The following CDR2L variants were observed in gnomAD, a reference collection of about 807,000 sequenced individuals.
CDR2L encodes cerebellar degeneration-related protein 2-like.
In CDR2L, 19 loss-of-function variants were observed where a neutral mutation model predicts 36.1. The ratio of observed to expected loss-of-function variants is 0.53; its 90% CI spans 0.37 to 0.77. CDR2L has a LOEUF of 0.77. Ranked by LOEUF, CDR2L falls within the 30% of genes least tolerant of loss-of-function variation. CDR2L has a pLI of 0.00. For missense variants in CDR2L, 575 were observed against 627.2 expected, an observed-to-expected ratio of 0.92 and a Z score of 0.89; for synonymous variants, 285 against 280.4, an observed-to-expected ratio of 1.02 and a Z score of -0.16.
At chr17:75,000,607 T>C (rs2039859878) in intron 2 of CDR2L, among the ~76,000 whole-genome samples, 1 of 129,988 alleles carries the variant, frequency 7.7e-6, no homozygotes, top group Non-Finnish European at 1.6e-5. Flanking sequence ...ATAAAAAAGA[T>C]TTTAGAAGTT....
chr17:74,992,947 G>A (rs1471987467), intron 1 of CDR2L, among the ~76,000 whole-genome samples: 1 of 152,194 alleles, frequency 6.6e-6, no homozygotes, highest in Non-Finnish European at 1.5e-5. Flanking sequence ...CAGTGGCTTT[G>A]CACTCTAGTT....
rs2039889288 is a variant in CDR2L at position 75,004,185 on chromosome 17, C to CA, written c.*111_*112insA. The CA allele has an allele frequency of 3.3e-6, 3 of 917,566 alleles. No homozygotes were observed. Among genetic ancestry groups the CA allele is most frequent in the Middle Eastern group, 2.3e-4 (1 of 4,418 alleles). The allele number at this position is 917,566 out of a possible 1,614,324, so 56.8% of individuals were successfully genotyped here. A position where few individuals can be genotyped will look rare whatever the true frequency, so the allele number is the denominator to read the frequency against. On this transcript the variant is annotated 3_prime_UTR_variant, in exon 5 of 5. Transcript: ENST00000337231. ...CCTTTAGCGGCCTGCCACCACAGCA[C>CA]GCGGCCTCCTGATCCGGAAGCACGC...
Position 75,002,233 on chromosome 17 carries a change from G to A in CDR2L, c.506+5G>A. 1 of 1,604,490 alleles carries A rather than the reference G, an allele frequency of 6.2e-7. No individual in the cohort carries two copies. The highest frequency in any genetic ancestry group is 8.5e-7 in the Non-Finnish European group (1 of 1,175,996). Reference sequence around the variant, plus strand: ...GGAGCTGTGCACCAGCCCCCGGTAGGTGAGAGCACTGCTTGGTGTCTCTGG... The same window carrying A: ...GGAGCTGTGCACCAGCCCCCGGTAGATGAGAGCACTGCTTGGTGTCTCTGG... On this transcript the variant is annotated splice_donor_5th_base_variant and intron_variant, in intron 4 of 4. Coordinates refer to ENST00000337231, the MANE Select transcript of CDR2L (RefSeq NM_014603.3). The surrounding 1 kb of genome is among the most constrained non-coding windows in gnomAD (Gnocchi z 4.1).
Position 74,988,122 on chromosome 17 carries a change from G to A in CDR2L, c.79G>A (p.Asp27Asn). ...SWYDQQDLEQ[D>N]LHLAAELGKT... is the part of the protein sequence containing the mutation. ...GTACGACCAGCAGGACCTGGAGCAG[G>A]GTGAGCGCGGGGGCGACCGGGACAG... Residue 27 changes from aspartate to asparagine, a missense_variant and splice_region_variant, in exon 1 of 5, where the codon GAC becomes AAC. Physicochemically the swap from Asp to Asn is conservative, Grantham distance 23. Coordinates refer to ENST00000337231, the MANE Select transcript of CDR2L (RefSeq NM_014603.3). 8 of 1,529,618 alleles carry A rather than the reference G, an allele frequency of 5.2e-6. No homozygotes were observed. The highest frequency in any genetic ancestry group is 6.1e-6 in the Non-Finnish European group (7 of 1,138,938). The allele number at this position is 1,529,618 out of a possible 1,614,324, so 94.8% of individuals were successfully genotyped here. A position where few individuals can be genotyped will look rare whatever the true frequency, so the allele number is the denominator to read the frequency against.
chr17:74,994,432 A>T (rs1452973619), intron 1 of CDR2L, among the ~76,000 whole-genome samples: 1 of 152,168 alleles, frequency 6.6e-6, no homozygotes, highest in Non-Finnish European at 1.5e-5. Flanking sequence ...CAGTCTTTTG[A>T]CAGAATGCCT....
In CDR2L at chr17:75,002,040, G is replaced by A. The variant is rs1289482555; in HGVS notation, c.342-24G>A. On this transcript the variant is annotated intron_variant, in intron 3 of 4. Coordinates refer to ENST00000337231, the MANE Select transcript of CDR2L (RefSeq NM_014603.3). This position sits in a 1 kb window ranked among gnomAD's most constrained non-coding sequence, Gnocchi z 4.1. ...CTGGCCCCATCCCCTTAAAGTCCCT[G>A]TGTGTCCACCACCCCGCCCCCAGGC... is the stretch of plus-strand genomic sequence containing the variant. The A allele has an allele frequency of 4.5e-6, 7 of 1,540,510 alleles. No homozygotes were observed. The highest frequency in any genetic ancestry group is 6.1e-6 in the Non-Finnish European group (7 of 1,149,294).
In CDR2L at chr17:75,004,230, G is replaced by A. The variant is rs1362650898; in HGVS notation, c.*156G>A. 4 of 660,630 alleles carry A rather than the reference G, an allele frequency of 6.1e-6. No individual in the cohort carries two copies. Among genetic ancestry groups the A allele is most frequent in the East Asian group, 5.6e-5 (2 of 35,716 alleles). 40.9% of individuals were successfully genotyped at this position (660,630 alleles called of 1,614,324 possible). ...GCACGCAGCATGTTCCCTGCTGAGC[G>A]GAGGCAGCCCACCTGTCCTGCCTCC... is the stretch of plus-strand genomic sequence containing the variant. On this transcript the variant is annotated 3_prime_UTR_variant, in exon 5 of 5. Coordinates refer to ENST00000337231, the MANE Select transcript of CDR2L (RefSeq NM_014603.3).
chr17:75,001,562 G>C (rs116611906), intron 3 of CDR2L, 73 bp downstream of exon 3: 2 of 1,319,174 alleles, frequency 1.5e-6, no homozygotes, highest in Admixed American at 3.1e-5. Flanking sequence ...GGGGCCCATG[G>C]ACTGATGGGT....
At chr17:74,997,513 A>G (rs1385478310) in intron 1 of CDR2L, among the ~76,000 whole-genome samples, 2 of 151,980 alleles carry the variant, frequency 1.3e-5, no homozygotes, top group African/African-American at 4.8e-5. Flanking sequence ...CACTCACTTA[A>G]TCTTCCAAAA....
At chr17:74,991,382 G>C (rs1247172154) in intron 1 of CDR2L, among the ~76,000 whole-genome samples, 1 of 143,808 alleles carries the variant, frequency 7.0e-6, no homozygotes, top group Non-Finnish European at 1.5e-5. Context: ...CTCCAGCCTG[G>C]GCAACAAGAG....
chr17:74,991,236 C>G (rs1031653938), intron 1 of CDR2L, among the ~76,000 whole-genome samples: 35 of 151,246 alleles, frequency 2.3e-4, no homozygotes, highest in African/African-American at 8.5e-4. Flanking sequence ...AACCCCGTCT[C>G]TACTAAAAAT....
intron 1 of CDR2L, among the ~76,000 whole-genome samples, chr17:74,996,404 A>G (rs1402247743): frequency 4.1e-5 from 6 of 147,232 alleles, no homozygotes; most frequent in African/African-American, 1.5e-4. Context: ...AGATTGCCCC[A>G]CTGCTCTCCA....
At chr17:74,999,303 CACACACACACACAG>C (rs1028036595) in intron 1 of CDR2L, among the ~76,000 whole-genome samples, 187 bp from the exon 2 acceptor site, 6 of 150,264 alleles carry the variant, frequency 4.0e-5, no homozygotes, top group Admixed American at 2.7e-4. Context: ...CACACACACA[CACACACACACACAG>C]ACACACACAA....
intron 1 of CDR2L, among the ~76,000 whole-genome samples, chr17:74,992,963 G>C (rs1433709067): frequency 1.3e-5 from 2 of 152,216 alleles, no homozygotes; most frequent in Non-Finnish European, 2.9e-5. Flanking sequence ...TAGTTAAGCT[G>C]CAGGGGCTCC....
chr17:75,001,220 T>A, intron 2 of CDR2L, 121 bp from the exon 3 acceptor site: 2 of 1,096,316 alleles, frequency 1.8e-6, no homozygotes, highest in Non-Finnish European at 2.5e-6. Flanking sequence ...GGCAACACAG[T>A]GAGACTCTGT....
At chr17:74,995,070 A>G (rs2039816963) in intron 1 of CDR2L, among the ~76,000 whole-genome samples, 1 of 130,814 alleles carries the variant, frequency 7.6e-6, no homozygotes, top group Admixed American at 7.4e-5. Context: ...ACTCAGTCTC[A>G]AAAAAAAAAA....
At chr17:75,003,156 C>G (rs2039877189) in intron 4 of CDR2L, 27 bp from the exon 5 acceptor site, 5 of 1,551,182 alleles carry the variant, frequency 3.2e-6, no homozygotes, top group Non-Finnish European at 4.4e-6. Context: ...CCGCCCCCAC[C>G]CCGCTGCGAC....
intron 1 of CDR2L, among the ~76,000 whole-genome samples, chr17:74,997,681 G>C (rs1456164518): frequency 2.0e-5 from 3 of 151,956 alleles, no homozygotes; most frequent in African/African-American, 7.3e-5. Flanking sequence ...GAGGCCAGGA[G>C]TTCAATACTA....
chr17:75,002,462 G>A lies in CDR2L; in HGVS notation c.506+234G>A, dbSNP rs1243558941. Among the ~76,000 whole-genome samples, 2 of 152,184 alleles carry A rather than the reference G, an allele frequency of 1.3e-5. No individual in the cohort carries two copies. Among genetic ancestry groups the A allele is most frequent in the Non-Finnish European group, 2.9e-5 (2 of 68,030 alleles). ...GGTGTTTTATTATGCCTACTCTCCA[G>A]ATGATAAAACTGAAGCCCAGAGGTT... On this transcript the variant is annotated intron_variant, in intron 4 of 4. Coordinates refer to ENST00000337231, the MANE Select transcript of CDR2L (RefSeq NM_014603.3). This position sits in a 1 kb window ranked among gnomAD's most constrained non-coding sequence, Gnocchi z 4.1.
Sources: gnomAD v4.1 joint callset for allele counts (sites outside exome capture counted in the v4.1 genomes callset) on GRCh38, gnomAD v4.1.1 for gene constraint, Gnocchi (gnomAD v3.1) non-coding constraint, MANE v1.5 for transcripts, NCBI Gene and HGNC (gene_info 2026-07-23, HGNC 2026-07-21) for gene names.